Variants in ZBTB1 observed in about 807,000 individuals in gnomAD.
ZBTB1 encodes zinc finger and BTB domain-containing protein 1.
Under a neutral mutation model 51.6 loss-of-function variants are expected in ZBTB1, and 13 were observed. That is an observed-to-expected ratio of 0.25 (90% CI 0.16 to 0.40). The LOEUF is 0.40. Among genes scored for constraint, ZBTB1 ranks in the 10% least tolerant of loss-of-function variants. ZBTB1 has a pLI of 1.00. For synonymous variants in ZBTB1, 240 were observed against 282.2 expected (o/e 0.85, Z 1.50); for missense variants, 567 against 856.5 (o/e 0.66, Z 4.22).
At chr14:64,532,800 T>C (rs1161815397) in exon 3 of ZBTB1, 2 of 144,670 alleles carry the variant, frequency 1.4e-5, no homozygotes, top group African/African-American at 5.1e-5. Flanking sequence ...AAATCTTTAA[T>C]GGAGAAGTTA....
downstream of ZBTB1, among the ~76,000 whole-genome samples, chr14:64,529,369 G>A (rs2079926756): frequency 6.6e-6 from 1 of 152,044 alleles, no homozygotes; most frequent in Admixed American, 6.5e-5. Flanking sequence ...TTATAAGACT[G>A]TTGAGTTGAA....
chr14:64,517,781 A>T (rs3061416), intron 1 of ZBTB1, among the ~76,000 whole-genome samples: 1,521 of 41,530 alleles, frequency 0.037, 140 homozygotes, highest in African/African-American at 0.086. Flanking sequence ...ATATATATAT[A>T]TTTTTTTTTT....
At chr14:64,532,408 G>C (rs1308284700) in exon 3 of ZBTB1, 1 of 152,532 alleles carries the variant, frequency 6.6e-6, no homozygotes, top group East Asian at 1.9e-4. Context: ...AGTGTAAGAA[G>C]TAATGGGTAC....
At chr14:64,508,641 G>A (rs1240675990) in intron 1 of ZBTB1, among the ~76,000 whole-genome samples, 1 of 152,148 alleles carries the variant, frequency 6.6e-6, no homozygotes, top group African/African-American at 2.4e-5. Flanking sequence ...CACTGAACCT[G>A]TTTCTTCATT....
At position 64,524,549 on chromosome 14, in the gene ZBTB1, A is replaced by G; in HGVS notation, c.*903A>G. 1.0e-6 allele frequency: 1 copy of G among 982,954 alleles called. No individual in the cohort carries two copies. Among genetic ancestry groups the G allele is most frequent in the Non-Finnish European group, 1.2e-6 (1 of 827,680 alleles). The allele number at this position is 982,954 out of a possible 1,614,324, so 60.9% of individuals were successfully genotyped here. A position where few individuals can be genotyped will look rare whatever the true frequency, so the allele number is the denominator to read the frequency against. On this transcript the variant is annotated 3_prime_UTR_variant, in exon 2 of 2. Transcript: ENST00000683701. ...CTAAGAATATGACCTCTAAAGGAAA[A>G]GATGATTTTTTACAATACATACTTC...
chr14:64,523,634 G>C lies in ZBTB1; in HGVS notation c.2130G>C (p.Leu710Phe). Residue 710 changes from leucine (L) to phenylalanine (F), a missense_variant, in exon 2 of 2, where the codon TTG (leucine) becomes TTC (phenylalanine). This residue lies in a region of ZBTB1 where 69 missense variants were observed against 171.8 expected (regional missense o/e 0.40). Coordinates refer to ENST00000683701, the MANE Select transcript of ZBTB1 (RefSeq NM_001123329.2). This position sits in a 1 kb window ranked among gnomAD's most constrained non-coding sequence, Gnocchi z 4.5. Reference sequence around the variant, plus strand: ...GATCACATTATAATGCCAAGCATTTGAAAAGAACCTGAGTGATTTTCTACT... The same window carrying C: ...GATCACATTATAATGCCAAGCATTTCAAAAGAACCTGAGTGATTTTCTACT... ...DMRSHYNAKH[L>F]KRT 6.5e-7 allele frequency: 1 copy of C among 1,548,104 alleles called. No individual in the cohort carries two copies. Among genetic ancestry groups the C allele is most frequent in the South Asian group, 1.2e-5 (1 of 83,770 alleles).
Position 64,522,203 on chromosome 14 carries a change from G to A in ZBTB1, c.699G>A (p.Glu233=). 6.2e-7 allele frequency: 1 copy of A among 1,614,184 alleles called. No individual in the cohort carries two copies. The highest frequency in any genetic ancestry group is 8.5e-7 in the Non-Finnish European group (1 of 1,180,034). The change falls in exon 2 of 2, where the codon GAG becomes GAA. Residue 233 remains glutamate (E), a synonymous_variant. Transcript: ENST00000683701. ...FGFSCEKLLD[E]HVLTCTNRHL... ...TTAGCTGTGAAAAATTATTAGATGA[G>A]CATGTGCTAACCTGTACTAACAGAC...
Position 64,521,347 on chromosome 14 carries a change from T to C in ZBTB1, c.-18-140T>C, listed in dbSNP as rs995735241. ...TTTAAAAAATGATTCAAGTATATAT[T>C]ATTGAGTTTTATTAGAATGGAAAGC... On this transcript the variant is annotated intron_variant, in intron 1 of 1. Coordinates refer to ENST00000683701, the MANE Select transcript of ZBTB1 (RefSeq NM_001123329.2). The C allele has an allele frequency of 9.6e-6, 6 of 623,708 alleles. No individual in the cohort carries two copies. In the African/African-American group the frequency reaches 1.1e-4, roughly 12 times the overall value. The allele number at this position is 623,708 out of a possible 1,614,324, so 38.6% of individuals were successfully genotyped here.
chr14:64,523,246 AT>A lies in ZBTB1; in HGVS notation c.1743del (p.Leu582CysfsTer12). On this transcript the variant is annotated frameshift_variant, in exon 2 of 2. Coordinates refer to ENST00000683701, the MANE Select transcript of ZBTB1 (RefSeq NM_001123329.2). LOFTEE classifies it high-confidence loss of function. The surrounding 1 kb of genome is among the most constrained non-coding windows in gnomAD (Gnocchi z 4.5). ...GATCACAGACGAAAGCATTTTTGTAATCTGTGTGGAAAAGGATTTTATCAGC... is the reference window on the plus strand; with the variant it reads ...GATCACAGACGAAAGCATTTTTGTAACTGTGTGGAAAAGGATTTTATCAGC... The part of the protein sequence containing the change: ...ERDHRRKHFC[N>X]LCGKGFYQRC... 1 of 1,614,180 alleles carries A rather than the reference AT, an allele frequency of 6.2e-7. No homozygotes were observed. Among genetic ancestry groups the A allele is most frequent in the Non-Finnish European group, 8.5e-7 (1 of 1,180,026 alleles).
intron 1 of ZBTB1, among the ~76,000 whole-genome samples, chr14:64,512,392 C>T (rs1037983870): frequency 1.3e-5 from 2 of 152,076 alleles, no homozygotes; most frequent in Admixed American, 6.6e-5. Context: ...TAAGCCTTGT[C>T]CCTGTCTTTG....
chr14:64,523,095 G>T lies in ZBTB1; in HGVS notation c.1591G>T (p.Ala531Ser). Reference protein sequence around the residue: ...IQKKQLFKHSACPFRCPNCGQ... With the variant: ...IQKKQLFKHSSCPFRCPNCGQ... The stretch of plus-strand genomic sequence containing the variant: ...AAAAAAGCAGTTATTTAAACATTCT[G>T]CCTGCCCTTTTCGATGTCCTAATTG... The change falls in exon 2 of 2, where the codon GCC (alanine) becomes TCC (serine). Residue 531 changes from alanine (A) to serine (S), a missense_variant. Physicochemically the swap from Ala to Ser is moderately conservative, Grantham distance 99. Transcript: ENST00000683701. The surrounding 1 kb of genome is among the most constrained non-coding windows in gnomAD (Gnocchi z 4.5). The T allele has an allele frequency of 1.2e-6, 2 of 1,614,182 alleles. No individual in the cohort carries two copies. The highest frequency in any genetic ancestry group is 1.7e-6 in the Non-Finnish European group (2 of 1,180,024).
At chr14:64,531,471 G>A (rs142084288) in intron 2 of ZBTB1, among the ~76,000 whole-genome samples, 161 of 152,184 alleles carry the variant, frequency 1.1e-3, no homozygotes, top group African/African-American at 3.8e-3. Flanking sequence ...AAAATTGTTA[G>A]ATTTATGTTT....
At chr14:64,529,768 C>T (rs935069368), downstream of ZBTB1, among the ~76,000 whole-genome samples, 5 of 151,924 alleles carry the variant, frequency 3.3e-5, no homozygotes, top group Non-Finnish European at 5.9e-5. Flanking sequence ...GAGACCCTGT[C>T]GCAAAAAATA....
intron 1 of ZBTB1, among the ~76,000 whole-genome samples, chr14:64,513,195 C>T (rs560145435): frequency 2.0e-5 from 3 of 151,982 alleles, no homozygotes; most frequent in South Asian, 2.1e-4. Context: ...TGTATATATG[C>T]AATATATGTG....
chr14:64,516,644 T>A (rs2079789518), intron 1 of ZBTB1: 1 of 152,236 alleles, frequency 6.6e-6, no homozygotes, highest in African/African-American at 2.4e-5. Flanking sequence ...AGAATACGTG[T>A]TGAATGAAAT....
intron 1 of ZBTB1, among the ~76,000 whole-genome samples, chr14:64,506,211 C>T (rs953670923): frequency 6.6e-6 from 1 of 152,118 alleles, no homozygotes; most frequent in Non-Finnish European, 1.5e-5. Context: ...ACTTTGGGAG[C>T]TAGAAAGGGG....
intron 1 of ZBTB1, among the ~76,000 whole-genome samples, chr14:64,505,561 C>T (rs374866926): frequency 6.6e-6 from 1 of 152,166 alleles, no homozygotes; most frequent in Non-Finnish European, 1.5e-5. Flanking sequence ...CAGCGGTGGG[C>T]GCTTACTAGA....
rs990768924 is a variant in ZBTB1 at position 64,523,056 on chromosome 14, A to G, written c.1552A>G (p.Ile518Val). Reference sequence around the variant, plus strand: ...TGATTTTAGGGACAATCATTACCAGATAAACAGTATCCAAAAAAAGCAGTT... The same window carrying G: ...TGATTTTAGGGACAATCATTACCAGGTAAACAGTATCCAAAAAAAGCAGTT... ...LDDFRDNHYQ[I>V]NSIQKKQLFK... is the part of the protein sequence containing the mutation. The change falls in exon 2 of 2, where the codon ATA becomes GTA. Residue 518 changes from isoleucine (I) to valine (V), a missense_variant. Transcript: ENST00000683701. This position sits in a 1 kb window ranked among gnomAD's most constrained non-coding sequence, Gnocchi z 4.5. 1 of 1,614,098 alleles carries G rather than the reference A, an allele frequency of 6.2e-7. No homozygotes were observed. The highest frequency in any genetic ancestry group is 1.7e-5 in the Admixed American group (1 of 60,006).
Position 64,521,795 on chromosome 14 carries a change from T to A in ZBTB1, c.291T>A (p.Phe97Leu). The A allele has an allele frequency of 6.2e-7, 1 of 1,611,608 alleles. No homozygotes were observed. The highest frequency in any genetic ancestry group is 8.5e-7 in the Non-Finnish European group (1 of 1,180,026). Residue 97 changes from phenylalanine to leucine, a missense_variant, in exon 2 of 2, where the codon TTT becomes TTA. Phe to Leu is a conservative substitution (Grantham distance 22). This residue lies in a region of ZBTB1 where 69 missense variants were observed against 136.4 expected (regional missense o/e 0.51). Transcript: ENST00000683701. ...CAGCTCCCTCCAGTTTTGAGCAGTTTAAAGTGGCAATGAACTACCTACAGC... is the reference window on the plus strand; with the variant it reads ...CAGCTCCCTCCAGTTTTGAGCAGTTAAAAGTGGCAATGAACTACCTACAGC... Reference protein sequence around the residue: ...IMTAPSSFEQFKVAMNYLQLY... With the variant: ...IMTAPSSFEQLKVAMNYLQLY...
Sources: allele counts gnomAD v4.1 joint callset (sites outside exome capture counted in the v4.1 genomes callset), GRCh38; gene constraint gnomAD v4.1.1; regional missense constraint gnomAD v4.1.1; non-coding constraint Gnocchi (gnomAD v3.1); transcripts MANE v1.5; gene names NCBI Gene and HGNC (gene_info 2026-07-23, HGNC 2026-07-21).